Variants in FIP1L1 observed in about 807,000 individuals in gnomAD.
FIP1L1 encodes the protein factor interacting with PAPOLA and CPSF1.
Under a neutral mutation model 84.6 loss-of-function variants are expected in FIP1L1, and 21 were observed. The ratio of observed to expected loss-of-function variants is 0.25; its 90% CI spans 0.18 to 0.36. The LOEUF (loss-of-function observed/expected upper bound fraction) is 0.36, where lower values mean the gene tolerates loss of function less well. FIP1L1 is among the 10% of genes least tolerant of loss of function. FIP1L1 has a pLI of 1.00. For synonymous variants in FIP1L1, 263 were observed against 242.3 expected, an observed-to-expected ratio of 1.09 and a Z score of -0.80; for missense variants, 526 against 751.1, an observed-to-expected ratio of 0.70 and a Z score of 3.50.
At chr4:53,402,596 G>A (rs1289279566) in intron 10 of FIP1L1, among the ~76,000 whole-genome samples, 1 of 152,180 alleles carries the variant, frequency 6.6e-6, no homozygotes, top group African/African-American at 2.4e-5. Context: ...AAGCTACTCG[G>A]GAGGCTGAGG....
chr4:53,438,005 G>A (rs866948679), intron 13 of FIP1L1, among the ~76,000 whole-genome samples: 23 of 152,208 alleles, frequency 1.5e-4, no homozygotes, highest in African/African-American at 5.5e-4. Context: ...GATTACGGGT[G>A]TGAGCCACCG....
At chr4:53,386,078 T>A (rs1237542262) in intron 5 of FIP1L1, among the ~76,000 whole-genome samples, 1 of 151,864 alleles carries the variant, frequency 6.6e-6, no homozygotes, top group Non-Finnish European at 1.5e-5. Flanking sequence ...TGTTACAAGT[T>A]CATTTTATAT....
chr4:53,454,671 G>A (rs1355732952), intron 16 of FIP1L1, among the ~76,000 whole-genome samples: 1 of 152,054 alleles, frequency 6.6e-6, no homozygotes, highest in African/African-American at 2.4e-5. Flanking sequence ...ATTCTAAGTC[G>A]ATTTACCATA....
intron 3 of FIP1L1, among the ~76,000 whole-genome samples, chr4:53,379,816 AC>A (rs1190749349): frequency 6.6e-6 from 1 of 152,162 alleles, no homozygotes; most frequent in Non-Finnish European, 1.5e-5. Flanking sequence ...TCAGAATTTT[AC>A]CCCAGATTTC....
rs1459544148 is a variant in FIP1L1, at chr4:53,431,197, T to TA, written c.1174+3016dup. On this transcript the variant is annotated intron_variant, in intron 13 of 17. Coordinates refer to ENST00000337488, the MANE Select transcript of FIP1L1 (RefSeq NM_030917.4). Reference sequence around the variant, plus strand: ...AATCAGGATGGGCACTGGCTCTGAATAACAGTACGGCTGCATAGATATATG... The same window carrying TA: ...AATCAGGATGGGCACTGGCTCTGAATAAACAGTACGGCTGCATAGATATATG... 2.6e-5 allele frequency among the ~76,000 whole-genome samples: 4 copies of TA among 152,354 alleles called. No homozygotes were observed. In the East Asian group the frequency reaches 5.8e-4, roughly 22 times the overall value.
In FIP1L1 at chr4:53,377,762, G is replaced by T; in HGVS notation, c.-77G>T. On this transcript the variant is annotated 5_prime_UTR_variant, in exon 1 of 18. Transcript: ENST00000337488. ...GTCGGCGGGTTCGCGCCCTTCTCGC[G>T]CCTCGGGGCTGCGAGGCTGGGGAAG... is the stretch of plus-strand genomic sequence containing the variant. 1.5e-6 allele frequency: 2 copies of T among 1,351,316 alleles called. No homozygotes were observed. The highest frequency in any genetic ancestry group is 2.0e-6 in the Non-Finnish European group (2 of 1,017,062). The allele number at this position is 1,351,316 out of a possible 1,614,324, so 83.7% of individuals were successfully genotyped here.
chr4:53,445,903 T>C (rs1328572718), intron 15 of FIP1L1, among the ~76,000 whole-genome samples: 4 of 152,138 alleles, frequency 2.6e-5, no homozygotes, highest in African/African-American at 9.7e-5. Context: ...GGTGACATAT[T>C]CTGGTCTCCT....
chr4:53,422,296 T>G (rs897809552), intron 11 of FIP1L1, among the ~76,000 whole-genome samples: 28 of 152,256 alleles, frequency 1.8e-4, no homozygotes, highest in African/African-American at 6.7e-4. Flanking sequence ...TTTCCTTTTT[T>G]AAGTATTGTT....
intron 13 of FIP1L1, among the ~76,000 whole-genome samples, chr4:53,431,278 T>C (rs1303977746): frequency 6.6e-6 from 1 of 152,158 alleles, no homozygotes; most frequent in Non-Finnish European, 1.5e-5. Flanking sequence ...CAGAACCACA[T>C]GATTACACTA....
intron 16 of FIP1L1, among the ~76,000 whole-genome samples, chr4:53,454,388 T>G (rs1182851645): frequency 6.6e-6 from 1 of 152,212 alleles, no homozygotes; most frequent in East Asian, 1.9e-4. Context: ...TGAAATCACC[T>G]AATAATGCAT....
intron 13 of FIP1L1, among the ~76,000 whole-genome samples, chr4:53,441,888 T>C (rs1772094473): frequency 6.6e-6 from 1 of 152,002 alleles, no homozygotes; most frequent in African/African-American, 2.4e-5. Context: ...AAGGAATTGG[T>C]ATCATAAGGA....
At chr4:53,408,185 G>A (rs1327337276) in intron 10 of FIP1L1, among the ~76,000 whole-genome samples, 3 of 152,114 alleles carry the variant, frequency 2.0e-5, no homozygotes, top group Non-Finnish European at 4.4e-5. Context: ...TTTAGGGCAG[G>A]CCTGGTGGTG....
chr4:53,459,391 A>C lies in FIP1L1; in HGVS notation c.1727A>C (p.Glu576Ala), dbSNP rs758210628. 3 of 1,613,420 alleles carry C rather than the reference A, an allele frequency of 1.9e-6. No individual in the cohort carries two copies. The highest frequency in any genetic ancestry group is 2.7e-5 in the African/African-American group (2 of 74,910). Residue 576 changes from glutamate (E) to alanine (A), a missense_variant, in exon 18 of 18, where the codon GAA becomes GCA. Physicochemically the swap from Glu to Ala is moderately radical, Grantham distance 107 (BLOSUM62 -1). This residue lies in a region of FIP1L1 where 89 missense variants were observed against 169.0 expected (regional missense o/e 0.53). Coordinates refer to ENST00000337488, the MANE Select transcript of FIP1L1 (RefSeq NM_030917.4). Reference sequence around the variant, plus strand: ...TCTAAAAGAAGCAAAGAAGGAAAAGAAGCGGGCAGTGAGCCTGCCCCTGAA... The same window carrying C: ...TCTAAAAGAAGCAAAGAAGGAAAAGCAGCGGGCAGTGAGCCTGCCCCTGAA... ...KKSKRSKEGK[E>A]AGSEPAPEQE...
chr4:53,382,366 A>G, intron 4 of FIP1L1, 31 bp downstream of exon 4: 1 of 1,569,476 alleles, frequency 6.4e-7, no homozygotes, highest in Non-Finnish European at 8.8e-7. Flanking sequence ...CCAGTTACTG[A>G]TACAAATCTT....
intron 13 of FIP1L1, among the ~76,000 whole-genome samples, chr4:53,433,184 C>A (rs908824901): frequency 6.6e-6 from 1 of 152,140 alleles, no homozygotes; most frequent in Non-Finnish European, 1.5e-5. Flanking sequence ...ATATGTAGTT[C>A]ATTGGCATTA....
intron 2 of FIP1L1, 44 bp from the exon 3 acceptor site, chr4:53,379,181 T>A: frequency 1.2e-6 from 2 of 1,607,006 alleles, no homozygotes; most frequent in Non-Finnish European, 1.7e-6. Flanking sequence ...GTGGTTTCTT[T>A]ATTTTGTTTG....
intron 10 of FIP1L1, among the ~76,000 whole-genome samples, chr4:53,413,514 T>C (rs1423306173): frequency 6.6e-6 from 1 of 152,000 alleles, no homozygotes; most frequent in Non-Finnish European, 1.5e-5. Context: ...CCCTATTCCA[T>C]ATTGCATCTC....
At chr4:53,454,685 C>G (rs1173389398) in intron 16 of FIP1L1, among the ~76,000 whole-genome samples, 1 of 152,102 alleles carries the variant, frequency 6.6e-6, no homozygotes, top group African/African-American at 2.4e-5. Context: ...TACCATAATT[C>G]TAAGGACTCC....
rs1183617118 is a variant in FIP1L1, at chr4:53,405,298, T to A, written c.815+5459T>A. On this transcript the variant is annotated intron_variant, in intron 10 of 17. Coordinates refer to ENST00000337488, the MANE Select transcript of FIP1L1 (RefSeq NM_030917.4). ...CCCCATTGCTTGTTTTTCTCAGGTT[T>A]GTCAAAGATCAGATAGTTGTAGACA... 5.9e-5 allele frequency among the ~76,000 whole-genome samples: 9 copies of A among 152,212 alleles called. No homozygotes were observed. The South Asian group carries it at 1.0e-3, about 18-fold the overall frequency.
Sources: allele counts gnomAD v4.1 joint callset (sites outside exome capture counted in the v4.1 genomes callset), GRCh38; gene constraint gnomAD v4.1.1; regional missense constraint gnomAD v4.1.1; transcripts MANE v1.5; gene names NCBI Gene and HGNC (gene_info 2026-07-23, HGNC 2026-07-21).